The following ZNF451 variants were observed in gnomAD, a reference collection of about 807,000 sequenced individuals.
ZNF451 encodes E3 SUMO-protein ligase ZNF451.
Under a neutral mutation model 107.1 loss-of-function variants are expected in ZNF451, and 80 were observed. The observed-to-expected ratio is 0.75, with a 90% confidence interval of 0.62 to 0.90. The LOEUF is 0.90. ZNF451 is among the 40% of genes least tolerant of loss of function. The pLI, the probability that ZNF451 is intolerant of heterozygous loss-of-function variation, is 0.00. For missense variants in ZNF451, 1,107 were observed against 1,236.2 expected, an observed-to-expected ratio of 0.90 and a Z score of 1.57; for synonymous variants, 362 against 406.5, an observed-to-expected ratio of 0.89 and a Z score of 1.32.
chr6:57,119,144 C>T (rs567376964), intron 3 of ZNF451, among the ~76,000 whole-genome samples: 24 of 152,286 alleles, frequency 1.6e-4, no homozygotes, highest in African/African-American at 5.5e-4. Flanking sequence ...GCACCACTAT[C>T]CCACTTTAGA....
At chr6:57,168,044 G>C (rs1248480731) in intron 14 of ZNF451, among the ~76,000 whole-genome samples, 1 of 152,088 alleles carries the variant, frequency 6.6e-6, no homozygotes, top group Non-Finnish European at 1.5e-5. Flanking sequence ...TCATTTCATG[G>C]AGTTGCCTTT....
At chr6:57,163,436 C>CTTTTTTT (rs398001706) in intron 14 of ZNF451, among the ~76,000 whole-genome samples, 1,212 of 30,332 alleles carry the variant, frequency 0.04, 437 homozygotes, top group Middle Eastern at 0.083. Context: ...AATGAATAAA[C>CTTTTTTT]TTTTTTTTTT....
Position 57,147,673 on chromosome 6 carries a change from C to T in ZNF451, c.1588C>T (p.Leu530Phe), listed in dbSNP as rs757004838. 6.2e-7 allele frequency: 1 copy of T among 1,614,122 alleles called. No individual in the cohort carries two copies. Among genetic ancestry groups the T allele is most frequent in the South Asian group, 1.1e-5 (1 of 91,080 alleles). Reference protein sequence around the residue: ...IHGGAHLNNFLFWCRTCKKEL... With the variant: ...IHGGAHLNNFFFWCRTCKKEL... ...CGGAGGGGCACATTTAAATAACTTT[C>T]TTTTCTGGTGTCGGACATGCAAAAA... The change falls in exon 10 of 15, where the codon CTT becomes TTT. Residue 530 changes from leucine to phenylalanine, a missense_variant. By Grantham distance (22) the Leu-to-Phe change is conservative. Transcript: ENST00000370706.
chr6:57,095,433 A>G (rs1018722682), intron 2 of ZNF451, among the ~76,000 whole-genome samples: 2 of 151,038 alleles, frequency 1.3e-5, no homozygotes, highest in East Asian at 2.0e-4. Flanking sequence ...CCTAGGCTCA[A>G]GCAATTCTGC....
At chr6:57,109,140 G>C in intron 3 of ZNF451, 1 of 985,260 alleles carries the variant, frequency 1.0e-6, no homozygotes, top group African/African-American at 1.7e-5. Flanking sequence ...TATCCTCTTA[G>C]TTCTCCCATT....
At chr6:57,128,915 C>A in intron 5 of ZNF451, 75 bp downstream of exon 5, 2 of 1,045,370 alleles carry the variant, frequency 1.9e-6, no homozygotes, top group Non-Finnish European at 2.9e-6. Context: ...CTGTTTTATG[C>A]TATTGCTAAT....
At chr6:57,099,799 G>A (rs761125322) in intron 3 of ZNF451, among the ~76,000 whole-genome samples, 3 of 152,156 alleles carry the variant, frequency 2.0e-5, no homozygotes, top group Non-Finnish European at 4.4e-5. Flanking sequence ...TTAATGAGCT[G>A]TTTTCATCTT....
chr6:57,092,297 G>GGCTT (rs1159504372), intron 2 of ZNF451, among the ~76,000 whole-genome samples: 1 of 152,118 alleles, frequency 6.6e-6, no homozygotes, highest in Non-Finnish European at 1.5e-5. Context: ...AGTTAATGTA[G>GGCTT]GCTTGAGTTC....
chr6:57,156,741 A>C (rs1398532372), intron 13 of ZNF451, among the ~76,000 whole-genome samples: 1 of 152,194 alleles, frequency 6.6e-6, no homozygotes, highest in Admixed American at 6.5e-5. Context: ...AGTTTATACT[A>C]TAAGTCAACA....
At chr6:57,103,622 A>G (rs1164985690) in intron 3 of ZNF451, 5 of 985,258 alleles carry the variant, frequency 5.1e-6, no homozygotes, top group Non-Finnish European at 6.0e-6. Context: ...ATCACCTAGT[A>G]TTATTTGCTT....
At chr6:57,111,296 C>T (rs1830099719) in intron 3 of ZNF451, among the ~76,000 whole-genome samples, 1 of 150,360 alleles carries the variant, frequency 6.7e-6, no homozygotes, top group South Asian at 2.1e-4. Flanking sequence ...AGAGGTGGAA[C>T]AGTGGCACTC....
At chr6:57,139,154 G>A (rs898014311) in intron 7 of ZNF451, among the ~76,000 whole-genome samples, 16 of 152,068 alleles carry the variant, frequency 1.1e-4, no homozygotes, top group African/African-American at 3.1e-4. Flanking sequence ...TGTCCTCCTC[G>A]GTGTTATTTC....
intron 3 of ZNF451, chr6:57,103,523 G>C (rs570371338): frequency 2.0e-6 from 2 of 985,314 alleles, no homozygotes; most frequent in South Asian, 9.4e-5. Context: ...TCAAGGTAGT[G>C]GATGTATGGT....
intron 3 of ZNF451, among the ~76,000 whole-genome samples, chr6:57,120,130 G>A (rs749822670): frequency 2.6e-5 from 4 of 152,104 alleles, no homozygotes; most frequent in Non-Finnish European, 4.4e-5. Flanking sequence ...TACAGTTACC[G>A]TAGTTTTGCC....
intron 2 of ZNF451, among the ~76,000 whole-genome samples, chr6:57,098,116 C>A (rs1189641234): frequency 1.3e-5 from 2 of 150,678 alleles, no homozygotes; most frequent in East Asian, 2.0e-4. Context: ...ACTACAGGCA[C>A]GCACCACCAT....
At chr6:57,157,542 A>G (rs1253540151) in intron 13 of ZNF451, among the ~76,000 whole-genome samples, 1 of 152,152 alleles carries the variant, frequency 6.6e-6, no homozygotes, top group Non-Finnish European at 1.5e-5. Flanking sequence ...CTCTACTTGT[A>G]AGCATCAGGG....
At chr6:57,106,918 T>C (rs1226343641) in intron 3 of ZNF451, 3 of 937,068 alleles carry the variant, frequency 3.2e-6, no homozygotes, top group African/African-American at 3.6e-5. Flanking sequence ...TCCAGATATA[T>C]TGAGTTTTAT....
At chr6:57,167,516 C>T (rs1421825491) in intron 14 of ZNF451, among the ~76,000 whole-genome samples, 1 of 152,122 alleles carries the variant, frequency 6.6e-6, no homozygotes, top group African/African-American at 2.4e-5. Context: ...TAGAGTGTAG[C>T]TTTAACTTGA....
intron 5 of ZNF451, among the ~76,000 whole-genome samples, chr6:57,132,120 G>A (rs1831205297): frequency 6.6e-6 from 1 of 152,126 alleles, no homozygotes; most frequent in Non-Finnish European, 1.5e-5. Context: ...AAAAAGAGAA[G>A]GGACAAAATA....
Sources: allele counts gnomAD v4.1 joint callset (sites outside exome capture counted in the v4.1 genomes callset), GRCh38; gene constraint gnomAD v4.1.1; transcripts MANE v1.5; gene names NCBI Gene and HGNC (gene_info 2026-07-23, HGNC 2026-07-21).